The following NRG3 variants were observed in gnomAD, a reference collection of about 807,000 sequenced individuals.
The protein encoded by NRG3 is pro-neuregulin-3, membrane-bound isoform.
A neutral mutation model predicts 66.9 loss-of-function variants in NRG3; 31 were observed. The observed-to-expected ratio is 0.46, with a 90% CI of 0.35 to 0.63. The LOEUF (loss-of-function observed/expected upper bound fraction) is 0.63, where lower values mean the gene tolerates loss of function less well. NRG3 is among the 20% of genes least tolerant of loss of function. The pLI, the probability that NRG3 is intolerant of heterozygous loss-of-function variation, is 0.00. For synonymous variants in NRG3, 393 were observed against 359.4 expected (o/e 1.09, Z -1.06); for missense variants, 910 against 878.9 (o/e 1.04, Z -0.45).
At chr10:81,877,877 T>C (rs1841817465) in intron 1 of NRG3, 3 of 1,530,574 alleles carry the variant, frequency 2.0e-6, no homozygotes, top group Non-Finnish European at 2.6e-6. Flanking sequence ...AGTGTATGTG[T>C]GAACATATTC....
intron 1 of NRG3, among the ~76,000 whole-genome samples, chr10:81,891,087 GT>G (rs1293589651): frequency 6.6e-6 from 1 of 152,178 alleles, no homozygotes; most frequent in Non-Finnish European, 1.5e-5. Flanking sequence ...TCACTGCTGA[GT>G]TGGGAAGTCC....
At chr10:82,683,984 G>C (rs191409191) in intron 2 of NRG3, among the ~76,000 whole-genome samples, 8 of 151,970 alleles carry the variant, frequency 5.3e-5, no homozygotes, top group Admixed American at 2.0e-4. Context: ...TTACATCTTT[G>C]CAAACAGGAG....
At chr10:82,289,482 AAG>A (rs2079600811) in intron 1 of NRG3, among the ~76,000 whole-genome samples, 1 of 149,308 alleles carries the variant, frequency 6.7e-6, no homozygotes, top group African/African-American at 2.4e-5. Context: ...TTATTAAAGA[AAG>A]AAATAATAGT....
intron 2 of NRG3, among the ~76,000 whole-genome samples, chr10:82,498,254 A>G (rs1375005220): frequency 6.6e-6 from 1 of 152,144 alleles, no homozygotes; most frequent in Non-Finnish European, 1.5e-5. Context: ...GGAAATAAAC[A>G]AGGGTGATTT....
chr10:82,882,639 G>T (rs923366169), intron 4 of NRG3, among the ~76,000 whole-genome samples: 3 of 152,158 alleles, frequency 2.0e-5, no homozygotes, highest in Non-Finnish European at 2.9e-5. Flanking sequence ...CACCACTTTT[G>T]CCATATCTTA....
chr10:82,214,851 C>T (rs2434068), intron 1 of NRG3, among the ~76,000 whole-genome samples: 11,196 of 152,104 alleles, frequency 0.074, 554 homozygotes, highest in East Asian at 0.17. Flanking sequence ...CACAAGTTTC[C>T]TCAGATGCTA....
At chr10:81,964,807 T>A (rs113766907) in intron 1 of NRG3, among the ~76,000 whole-genome samples, 2,118 of 152,316 alleles carry the variant, frequency 0.014, 24 homozygotes, top group African/African-American at 0.033. Flanking sequence ...CCAGTTGTTG[T>A]CTTTCCATTT....
chr10:82,073,428 G>A (rs979114054), intron 1 of NRG3, among the ~76,000 whole-genome samples: 2 of 152,080 alleles, frequency 1.3e-5, no homozygotes, highest in Non-Finnish European at 2.9e-5. Context: ...AGATGTTCTT[G>A]CTGATTTCTT....
chr10:82,711,568 T>A lies in NRG3; in HGVS notation c.954-27009T>A, dbSNP rs111674485. ...GTGTGTGTGTGTGTGTGTGTGTGTG[T>A]GAGATGGTGCATAATTTAATTATTT... is the stretch of plus-strand genomic sequence containing the variant. On this transcript the variant is annotated intron_variant, in intron 2 of 8. Coordinates refer to ENST00000372141, the MANE Select transcript of NRG3 (RefSeq NM_001010848.4). Among the ~76,000 whole-genome samples the A allele has an allele frequency of 5.6e-3, 775 of 138,102 alleles. 6 individuals carry two copies. Among genetic ancestry groups the A allele is most frequent in the African/African-American group, 0.019 (731 of 37,600 alleles). 90.6% of individuals were successfully genotyped at this position (138,102 alleles called of 152,430 possible). A position where few individuals can be genotyped will look rare whatever the true frequency, so the allele number is the denominator to read the frequency against.
chr10:82,271,294 G>A (rs1414752), intron 1 of NRG3, among the ~76,000 whole-genome samples: 72,002 of 151,844 alleles, frequency 0.47, 20,695 homozygotes, highest in African/African-American at 0.81. Context: ...TTCCAGCTCT[G>A]CCACCTATGA....
At chr10:82,069,953 G>A (rs1489652620) in intron 1 of NRG3, among the ~76,000 whole-genome samples, 3 of 152,174 alleles carry the variant, frequency 2.0e-5, no homozygotes, top group Non-Finnish European at 4.4e-5. Flanking sequence ...GGAAAATCAT[G>A]TGATGCTTCA....
chr10:82,608,836 A>G (rs1590858554), intron 2 of NRG3, among the ~76,000 whole-genome samples: 1 of 152,062 alleles, frequency 6.6e-6, no homozygotes, highest in African/African-American at 2.4e-5. Context: ...CCCCTGACTC[A>G]CACACACAAT....
chr10:82,555,501 C>T (rs779027059), intron 2 of NRG3, among the ~76,000 whole-genome samples: 1 of 152,126 alleles, frequency 6.6e-6, no homozygotes, highest in Admixed American at 6.6e-5. Flanking sequence ...AAGCTACTGA[C>T]CATCCTAAGT....
chr10:82,402,384 T>C (rs1336447282), intron 2 of NRG3, among the ~76,000 whole-genome samples: 1 of 152,144 alleles, frequency 6.6e-6, no homozygotes, highest in Admixed American at 6.6e-5. Context: ...ATCAGAAGGT[T>C]GAGTTTGGGG....
chr10:81,954,908 A>G (rs2133222602), intron 1 of NRG3, among the ~76,000 whole-genome samples: 1 of 152,118 alleles, frequency 6.6e-6, no homozygotes, highest in East Asian at 1.9e-4. Context: ...TTTGCATAGC[A>G]TTGACTGTCT....
intron 2 of NRG3, among the ~76,000 whole-genome samples, chr10:82,640,184 G>T (rs1489660472): frequency 6.6e-6 from 1 of 152,178 alleles, no homozygotes; most frequent in Non-Finnish European, 1.5e-5. Context: ...AATGTAAATT[G>T]TTCCATTATA....
chr10:82,656,896 C>G (rs2051912729), intron 2 of NRG3, among the ~76,000 whole-genome samples: 1 of 152,090 alleles, frequency 6.6e-6, no homozygotes, highest in Non-Finnish European at 1.5e-5. Flanking sequence ...AAGATCTGCC[C>G]TGCCCCCACC....
chr10:82,036,423 A>G (rs758198708), intron 1 of NRG3, among the ~76,000 whole-genome samples: 3 of 152,048 alleles, frequency 2.0e-5, no homozygotes, highest in Admixed American at 6.6e-5. Flanking sequence ...TATTATCCCC[A>G]TTTCACAGAT....
intron 1 of NRG3, among the ~76,000 whole-genome samples, chr10:82,035,857 C>T (rs2062770280): frequency 6.6e-6 from 1 of 151,954 alleles, no homozygotes; most frequent in Non-Finnish European, 1.5e-5. Context: ...TTTTAATTAC[C>T]ACATGTCATG....
Sources: allele counts gnomAD v4.1 joint callset (sites outside exome capture counted in the v4.1 genomes callset), GRCh38; gene constraint gnomAD v4.1.1; transcripts MANE v1.5; gene names NCBI Gene and HGNC (gene_info 2026-07-23, HGNC 2026-07-21).